Variants in DNAAF11 observed in about 807,000 individuals in gnomAD.
DNAAF11 encodes leucine rich repeat containing 6.
DNAAF11 carries 45 observed loss-of-function variants against 60.8 expected under a neutral mutation model. The observed-to-expected ratio is 0.74, with a 90% confidence interval of 0.58 to 0.95. The LOEUF (loss-of-function observed/expected upper bound fraction) is 0.95. Among genes scored for constraint, DNAAF11 ranks in the 40% least tolerant of loss-of-function variants. The probability of loss-of-function intolerance (pLI) is 0.00; values close to 1 mark genes in which losing one functional copy is unlikely to be tolerated. For missense variants in DNAAF11, 546 were observed against 546.2 expected (o/e 1.00, Z 0.00); for synonymous variants, 191 against 183.5 (o/e 1.04, Z -0.33).
chr8:132,645,424 C>T (rs956188472), intron 3 of DNAAF11, among the ~76,000 whole-genome samples: 3 of 152,178 alleles, frequency 2.0e-5, no homozygotes, highest in Non-Finnish European at 4.4e-5. Flanking sequence ...AATCAGAGCG[C>T]CTCTTCTCCT....
upstream of DNAAF11, among the ~76,000 whole-genome samples, chr8:132,677,064 A>G (rs1434360646): frequency 6.6e-6 from 1 of 152,146 alleles, no homozygotes; most frequent in African/African-American, 2.4e-5. Flanking sequence ...AAACTTCTCT[A>G]TTTCCACATG....
the DNAAF11 span, among the ~76,000 whole-genome samples, chr8:132,685,611 T>C: frequency 6.6e-6 from 1 of 152,188 alleles, no homozygotes; most frequent in Non-Finnish European, 1.5e-5. Context: ...CACAGCTCTG[T>C]TAGGCACCAT....
At chr8:132,639,900 C>T (rs1025380450) in intron 3 of DNAAF11, among the ~76,000 whole-genome samples, 1 of 150,994 alleles carries the variant, frequency 6.6e-6, no homozygotes, top group Admixed American at 6.6e-5. Flanking sequence ...TTATGTCTAA[C>T]ATAGAGAAAA....
At chr8:132,577,727 T>A (rs1268503243) in intron 11 of DNAAF11, among the ~76,000 whole-genome samples, 1 of 152,224 alleles carries the variant, frequency 6.6e-6, no homozygotes, top group African/African-American at 2.4e-5. Context: ...GGTGCAATTT[T>A]GGCTCACTGC....
chr8:132,574,909 T>C (rs766603564), intron 11 of DNAAF11, among the ~76,000 whole-genome samples: 1 of 152,158 alleles, frequency 6.6e-6, no homozygotes, highest in Non-Finnish European at 1.5e-5. Flanking sequence ...CTGTTCCTCA[T>C]AGAAAATTAG....
intron 9 of DNAAF11, among the ~76,000 whole-genome samples, chr8:132,611,086 A>G (rs1301613783): frequency 6.6e-6 from 1 of 151,942 alleles, no homozygotes; most frequent in African/African-American, 2.4e-5. Flanking sequence ...TAAAGACAGT[A>G]TTTCACCATG....
chr8:132,625,081 T>C (rs145805833), intron 6 of DNAAF11, among the ~76,000 whole-genome samples, 191 bp downstream of exon 6: 93 of 152,290 alleles, frequency 6.1e-4, no homozygotes, highest in African/African-American at 2.1e-3. Flanking sequence ...TTCATGATGT[T>C]CTAAAGAAGG....
intron 2 of DNAAF11, among the ~76,000 whole-genome samples, chr8:132,659,837 G>A (rs1281625821): frequency 6.6e-6 from 1 of 151,978 alleles, no homozygotes; most frequent in Non-Finnish European, 1.5e-5. Context: ...GGGGGGTGGG[G>A]GAGCATCCTG....
rs188759488 is a variant in DNAAF11 at position 132,657,523 on chromosome 8, G to A, written c.179-616C>T. 3.9e-3 allele frequency among the ~76,000 whole-genome samples: 600 copies of A among 152,230 alleles called. 5 individuals carry two copies. Among genetic ancestry groups the A allele is most frequent in the African/African-American group, 0.014 (570 of 41,542 alleles). On this transcript the variant is annotated intron_variant, in intron 2 of 11. Coordinates refer to ENST00000620350, the MANE Select transcript of DNAAF11 (RefSeq NM_012472.6). ...GCTCTACCTGTAGACTTAAAGTTGG[G>A]TAAGATAATTGATTTCCTTACTGTT...
At chr8:132,646,907 A>G (rs1186000632) in intron 3 of DNAAF11, among the ~76,000 whole-genome samples, 3 of 152,162 alleles carry the variant, frequency 2.0e-5, no homozygotes, top group African/African-American at 7.2e-5. Context: ...AGACTTTAAC[A>G]CCCCACTGTC....
chr8:132,644,034 A>G (rs1822117994), intron 3 of DNAAF11, among the ~76,000 whole-genome samples: 1 of 152,214 alleles, frequency 6.6e-6, no homozygotes, highest in African/African-American at 2.4e-5. Flanking sequence ...AAATAATTAT[A>G]TAAATGAAAA....
At chr8:132,643,884 T>C (rs1822103746) in intron 3 of DNAAF11, among the ~76,000 whole-genome samples, 2 of 152,162 alleles carry the variant, frequency 1.3e-5, no homozygotes, top group African/African-American at 2.4e-5. Flanking sequence ...TGTGACCTTT[T>C]GAACTATTAT....
At position 132,637,733 on chromosome 8, in the gene DNAAF11, G is replaced by C. The variant is rs564810491; in HGVS notation, c.429+202C>G. Reference sequence around the variant, plus strand: ...GTGTTTTGGATGAGAAAGGTGAAAAGTATGCAATTTATTTTTCAGGGATTT... The same window carrying C: ...GTGTTTTGGATGAGAAAGGTGAAAACTATGCAATTTATTTTTCAGGGATTT... On this transcript the variant is annotated intron_variant, in intron 4 of 11. Transcript: ENST00000620350. Among the ~76,000 whole-genome samples the C allele has an allele frequency of 1.8e-4, 28 of 152,346 alleles. No homozygotes were observed. The East Asian group carries it at 3.9e-3, about 21-fold the overall frequency.
At chr8:132,667,868 C>T (rs1824785983) in intron 1 of DNAAF11, among the ~76,000 whole-genome samples, 1 of 152,156 alleles carries the variant, frequency 6.6e-6, no homozygotes. Flanking sequence ...TTCTGGGATA[C>T]TGGAGGCTGT....
intron 10 of DNAAF11, among the ~76,000 whole-genome samples, chr8:132,598,374 A>G (rs192511284): frequency 1.4e-4 from 21 of 152,308 alleles, no homozygotes; most frequent in Non-Finnish European, 1.5e-5. Context: ...ATATAACCTC[A>G]GCAAGCCTCA....
At chr8:132,662,329 G>A (rs1377401104) in intron 1 of DNAAF11, among the ~76,000 whole-genome samples, 1 of 152,130 alleles carries the variant, frequency 6.6e-6, no homozygotes, top group Non-Finnish European at 1.5e-5. Context: ...GGAAGACGGC[G>A]CCAGGAGACT....
At position 132,572,195 on chromosome 8, in the gene DNAAF11, G is replaced by A. The variant is rs756467887; in HGVS notation, c.*111C>T. 2.0e-5 allele frequency: 16 copies of A among 819,164 alleles called. 1 individual carries two copies. The Admixed American group carries it at 2.4e-4, about 12-fold the overall frequency. The allele number at this position is 819,164 out of a possible 1,614,324, so 50.7% of individuals were successfully genotyped here. ...GTAAGAGTTAAAACACTGGAGCAGC[G>A]ATATTGACAAATAACTCTGTGTTTA... On this transcript the variant is annotated 3_prime_UTR_variant, in exon 12 of 12. Coordinates refer to ENST00000620350, the MANE Select transcript of DNAAF11 (RefSeq NM_012472.6).
intron 4 of DNAAF11, among the ~76,000 whole-genome samples, chr8:132,634,667 C>T (rs890373442): frequency 3.3e-5 from 5 of 150,140 alleles, no homozygotes; most frequent in African/African-American, 1.2e-4. Context: ...TATGAATCAA[C>T]ATAAAAGTAA....
the DNAAF11 span, among the ~76,000 whole-genome samples, chr8:132,693,544 C>T: frequency 1.3e-5 from 2 of 151,612 alleles, no homozygotes; most frequent in Non-Finnish European, 2.9e-5. Context: ...AGTAAGACAA[C>T]TAGAACAAAA....
Sources: gnomAD v4.1 joint callset for allele counts (sites outside exome capture counted in the v4.1 genomes callset) on GRCh38, gnomAD v4.1.1 for gene constraint, MANE v1.5 for transcripts, NCBI Gene and HGNC (gene_info 2026-07-23, HGNC 2026-07-21) for gene names.